SLC17A2: variants seen among roughly 807,000 people sequenced by gnomAD.
The protein encoded by SLC17A2 is solute carrier family 17 member 2, also known as sodium-dependent phosphate transport protein 3.
Under a neutral mutation model 52.1 loss-of-function variants are expected in SLC17A2, and 38 were observed. The ratio of observed to expected loss-of-function variants is 0.73; its 90% CI spans 0.56 to 0.96. The LOEUF (loss-of-function observed/expected upper bound fraction) is 0.96, where lower values mean the gene tolerates loss of function less well. Among genes scored for constraint, SLC17A2 ranks in the 40% least tolerant of loss-of-function variants. The probability of loss-of-function intolerance (pLI) is 0.00; values close to 1 mark genes in which losing one functional copy is unlikely to be tolerated. For missense variants in SLC17A2, 508 were observed against 583.9 expected, an observed-to-expected ratio of 0.87 and a Z score of 1.34; for synonymous variants, 226 against 211.9, an observed-to-expected ratio of 1.07 and a Z score of -0.58.
chr6:25,913,853 C>T (rs1766199568), intron 11 of SLC17A2, among the ~76,000 whole-genome samples: 1 of 151,636 alleles, frequency 6.6e-6, no homozygotes, highest in Non-Finnish European at 1.5e-5. Flanking sequence ...TCACTACAAC[C>T]CATCTCAATT....
intron 2 of SLC17A2, among the ~76,000 whole-genome samples, chr6:25,924,337 T>C (rs1766674351): frequency 1.3e-5 from 2 of 152,200 alleles, no homozygotes; most frequent in African/African-American, 4.8e-5. Flanking sequence ...TGAGAGTTTA[T>C]ACATAACGAG....
Position 25,921,211 on chromosome 6 carries a change from TGA to T in SLC17A2, c.440_441del (p.Val147AspfsTer30). On this transcript the variant is annotated frameshift_variant, in exon 4 of 12. Coordinates refer to ENST00000377850, the MANE Select transcript of SLC17A2 (RefSeq NM_001286123.3). LOFTEE classifies it high-confidence loss of function. ...PLAADFGVIL[V>X]IMVRTVQGMA... Reference sequence around the variant, plus strand: ...ATGCCCTGGACTGTCCGAACCATGATGACCAAAATCACTCCGAAGTCAGCAGC... The same window carrying T: ...ATGCCCTGGACTGTCCGAACCATGATCCAAAATCACTCCGAAGTCAGCAGC... 1 of 1,613,960 alleles carries T rather than the reference TGA, an allele frequency of 6.2e-7. No individual in the cohort carries two copies. Among genetic ancestry groups the T allele is most frequent in the Non-Finnish European group, 8.5e-7 (1 of 1,180,006 alleles).
In SLC17A2 at chr6:25,913,255, A is replaced by T; in HGVS notation, c.*62T>A. On this transcript the variant is annotated 3_prime_UTR_variant, in exon 12 of 12. Coordinates refer to ENST00000377850, the MANE Select transcript of SLC17A2 (RefSeq NM_001286123.3). The stretch of plus-strand genomic sequence containing the variant: ...AGTCTATGGTCAGGAATATGGAGAG[A>T]AGTAAAAAATGTTTAAAAAGTTCAT... 6.4e-7 allele frequency: 1 copy of T among 1,569,486 alleles called. No homozygotes were observed. Among genetic ancestry groups the T allele is most frequent in the Non-Finnish European group, 8.8e-7 (1 of 1,139,760 alleles).
At position 25,917,103 on chromosome 6, in the gene SLC17A2, A is replaced by G; in HGVS notation, c.650-16T>C. ...CCAGTGCTACCTGGGAAGAAGGGAT[A>G]AAATTAGTTTTTAGGTAGATTTGTT... On this transcript the variant is annotated splice_polypyrimidine_tract_variant and intron_variant, in intron 6 of 11. Transcript: ENST00000377850. 1.2e-6 allele frequency: 2 copies of G among 1,601,438 alleles called. No homozygotes were observed. The highest frequency in any genetic ancestry group is 1.7e-6 in the Non-Finnish European group (2 of 1,168,882).
chr6:25,921,315 G>A lies in SLC17A2; in HGVS notation c.338C>T (p.Ala113Val). The A allele has an allele frequency of 6.2e-7, 1 of 1,614,066 alleles. No homozygotes were observed. The highest frequency in any genetic ancestry group is 1.1e-5 in the South Asian group (1 of 91,078). Residue 113 changes from alanine (A) to valine (V), a missense_variant, in exon 4 of 12, where the codon GCA becomes GTA. Ala to Val is a moderately conservative substitution (Grantham distance 64, BLOSUM62 0). Transcript: ENST00000377850. The stretch of plus-strand genomic sequence containing the variant: ...CATTTTTTTTGCTCCAAATATCCCT[G>A]CTAAATATCCACTTGGGATCAGAGT... ...ILTLIPSGYL[A>V]GIFGAKKMLG...
intron 6 of SLC17A2, 54 bp downstream of exon 6, chr6:25,918,433 C>A (rs1766410903): frequency 8.1e-7 from 1 of 1,238,272 alleles, no homozygotes; most frequent in South Asian, 1.2e-5. Context: ...GTGTAGGTGC[C>A]AAAATGGATG....
intron 4 of SLC17A2, 38 bp from the exon 5 acceptor site, chr6:25,921,131 G>C (rs1210378819): frequency 6.2e-7 from 1 of 1,613,386 alleles, no homozygotes. Flanking sequence ...ATATTTTGTA[G>C]AATTCAGAAA....
At chr6:25,926,653 A>G (rs889983315) in intron 1 of SLC17A2, among the ~76,000 whole-genome samples, 4 of 152,214 alleles carry the variant, frequency 2.6e-5, no homozygotes, top group Non-Finnish European at 5.9e-5. Flanking sequence ...CTTTTAGGAA[A>G]AATCCATATC....
At position 25,921,229 on chromosome 6, in the gene SLC17A2, A is replaced by G; in HGVS notation, c.424T>C (p.Phe142Leu). Residue 142 changes from phenylalanine to leucine, a missense_variant, in exon 4 of 12, where the codon TTC becomes CTC. Phe to Leu is a conservative substitution (Grantham distance 22). Coordinates refer to ENST00000377850, the MANE Select transcript of SLC17A2 (RefSeq NM_001286123.3). ...LTLFTPLAAD[F>L]GVILVIMVRT... Reference sequence around the variant, plus strand: ...ACCATGATGACCAAAATCACTCCGAAGTCAGCAGCCAGTGGTGTAAAGAGG... The same window carrying G: ...ACCATGATGACCAAAATCACTCCGAGGTCAGCAGCCAGTGGTGTAAAGAGG... 1 of 1,614,196 alleles carries G rather than the reference A, an allele frequency of 6.2e-7. No individual in the cohort carries two copies. Among genetic ancestry groups the G allele is most frequent in the Non-Finnish European group, 8.5e-7 (1 of 1,180,034 alleles).
chr6:25,915,492 C>G lies in SLC17A2; in HGVS notation c.1211+7G>C, dbSNP rs543967797. ...GGAGGAGGGGAAAAAACAGGTAGAG[C>G]TCTTACCTGGGGGCGATATCTAAGG... is the stretch of plus-strand genomic sequence containing the variant. On this transcript the variant is annotated splice_region_variant and intron_variant, in intron 10 of 11. Coordinates refer to ENST00000377850, the MANE Select transcript of SLC17A2 (RefSeq NM_001286123.3). 2.6e-6 allele frequency: 4 copies of G among 1,547,994 alleles called. No individual in the cohort carries two copies. The highest frequency in any genetic ancestry group is 2.7e-5 in the African/African-American group (2 of 73,038).
chr6:25,927,727 T>C (rs1282940504), intron 1 of SLC17A2, among the ~76,000 whole-genome samples: 2 of 152,212 alleles, frequency 1.3e-5, no homozygotes, highest in Admixed American at 6.5e-5. Flanking sequence ...TTTATTGTTG[T>C]TGTTGTTGTT....
At chr6:25,916,874 G>C in intron 7 of SLC17A2, 28 bp from the exon 8 acceptor site, 1 of 1,613,722 alleles carries the variant, frequency 6.2e-7, no homozygotes, top group Non-Finnish European at 8.5e-7. Flanking sequence ...ATCAGCATGA[G>C]TATTAGAGCA....
chr6:25,913,754 T>G (rs1024236172), intron 11 of SLC17A2, among the ~76,000 whole-genome samples: 1 of 150,038 alleles, frequency 6.7e-6, no homozygotes, highest in Non-Finnish European at 1.5e-5. Context: ...CATTGTGGCA[T>G]TGTGTTTGTG....
chr6:25,915,771 C>G lies in SLC17A2; in HGVS notation c.1028G>C (p.Arg343Thr). Residue 343 changes from arginine (R) to threonine (T), a missense_variant, in exon 9 of 12, where the codon AGA becomes ACA. Transcript: ENST00000377850. ...ADFLLSRNLL[R>T]LITVRKLFSS... ...AAAGAGCTTTCGCACAGTGATCAATCTGAGAAGATTCCTGGACAAAAGGAA... is the reference window on the plus strand; with the variant it reads ...AAAGAGCTTTCGCACAGTGATCAATGTGAGAAGATTCCTGGACAAAAGGAA... 1 of 1,614,198 alleles carries G rather than the reference C, an allele frequency of 6.2e-7. No homozygotes were observed. The highest frequency in any genetic ancestry group is 1.7e-5 in the Admixed American group (1 of 60,028).
At chr6:25,914,805 C>A in intron 10 of SLC17A2, 135 bp from the exon 11 acceptor site, 3 of 613,500 alleles carry the variant, frequency 4.9e-6, no homozygotes, top group South Asian at 4.0e-5. Flanking sequence ...CACCTAAAGA[C>A]ATTCAGGGCA....
Position 25,918,558 on chromosome 6 carries a change from G to T in SLC17A2, c.578C>A (p.Ser193Tyr), listed in dbSNP as rs751399595. Residue 193 changes from serine to tyrosine, a missense_variant, in exon 6 of 12, where the codon TCC (serine) becomes TAC (tyrosine). By Grantham distance (144) the Ser-to-Tyr change is moderately radical (BLOSUM62 -2). Transcript: ENST00000377850. ...TCCCCCCACACAGAGGATGATGAAG[G>T]ATCCAAATGCTGACCCTAAAGGAAA... is the stretch of plus-strand genomic sequence containing the variant. The part of the protein sequence containing the change: ...TIAGSGSAFG[S>Y]FIILCVGGLI... 4.3e-6 allele frequency: 7 copies of T among 1,612,618 alleles called. No homozygotes were observed. The highest frequency in any genetic ancestry group is 5.9e-6 in the Non-Finnish European group (7 of 1,178,738).
chr6:25,927,906 T>C (rs1766820761), intron 1 of SLC17A2, among the ~76,000 whole-genome samples: 1 of 152,210 alleles, frequency 6.6e-6, no homozygotes, highest in Non-Finnish European at 1.5e-5. Flanking sequence ...TGAAGTCATC[T>C]GTGGTCAAAC....
intron 11 of SLC17A2, among the ~76,000 whole-genome samples, chr6:25,913,971 A>G (rs1766203354): frequency 6.6e-6 from 1 of 152,174 alleles, no homozygotes; most frequent in African/African-American, 2.4e-5. Context: ...GTCAAATATT[A>G]ACCTGGGAAC....
At chr6:25,917,354 T>A (rs1233652934) in intron 6 of SLC17A2, among the ~76,000 whole-genome samples, 1 of 152,254 alleles carries the variant, frequency 6.6e-6, no homozygotes, top group Non-Finnish European at 1.5e-5. Context: ...CATAGCTGAT[T>A]AATTACTTTA....
Sources: allele counts gnomAD v4.1 joint callset (sites outside exome capture counted in the v4.1 genomes callset), GRCh38; gene constraint gnomAD v4.1.1; transcripts MANE v1.5; gene names NCBI Gene and HGNC (gene_info 2026-07-23, HGNC 2026-07-21).